The following ME1 variants were observed in gnomAD, a reference collection of about 807,000 sequenced individuals.
The protein encoded by ME1 is malic enzyme 1.
ME1 carries 74 observed loss-of-function variants against 66.4 expected under a neutral mutation model. The ratio of observed to expected loss-of-function variants is 1.11; its 90% CI spans 0.92 to 1.35. The LOEUF is 1.35. ME1 is among the 40% of genes most tolerant of loss of function. The pLI, the probability that ME1 is intolerant of heterozygous loss-of-function variation, is 0.00. For synonymous variants in ME1, 251 were observed against 235.6 expected, an observed-to-expected ratio of 1.07 and a Z score of -0.60; for missense variants, 750 against 694.1, an observed-to-expected ratio of 1.08 and a Z score of -0.90.
In ME1 at chr6:83,212,084, T is replaced by A; in HGVS notation, c.1559A>T (p.Asp520Val). The stretch of plus-strand genomic sequence containing the variant: ...TGTGGCTGTCTTTTCTTGGTATGCA[T>A]CTTTCACAATCTAGATATAAGAAAA... The part of the protein sequence containing the change: ...SLKIAEKIVK[D>V]AYQEKTATVY... The change falls in exon 14 of 14, where the codon GAT becomes GTT. Residue 520 changes from aspartate to valine, a missense_variant. Physicochemically the swap from Asp to Val is radical, Grantham distance 152. Transcript: ENST00000369705. 6.2e-7 allele frequency: 1 copy of A among 1,603,766 alleles called. No homozygotes were observed. Among genetic ancestry groups the A allele is most frequent in the Non-Finnish European group, 8.5e-7 (1 of 1,173,268 alleles).
chr6:83,235,645 T>G (rs1405367901), intron 9 of ME1, among the ~76,000 whole-genome samples: 2 of 151,988 alleles, frequency 1.3e-5, no homozygotes, highest in Non-Finnish European at 2.9e-5. Context: ...TAATTTTTTT[T>G]GTATTTTTAG....
intron 13 of ME1, among the ~76,000 whole-genome samples, chr6:83,214,790 A>G (rs1583322238): frequency 1.3e-5 from 2 of 152,140 alleles, no homozygotes; most frequent in African/African-American, 4.8e-5. Flanking sequence ...TGAATGTGCC[A>G]TTGATACCTC....
intron 4 of ME1, among the ~76,000 whole-genome samples, chr6:83,351,214 G>A (rs1174498555): frequency 1.3e-5 from 2 of 152,050 alleles, no homozygotes; most frequent in Non-Finnish European, 2.9e-5. Context: ...GAGCAACATA[G>A]TGGGACTTTG....
intron 6 of ME1, among the ~76,000 whole-genome samples, chr6:83,259,562 G>C (rs1415267083): frequency 2.0e-5 from 3 of 152,184 alleles, no homozygotes; most frequent in Admixed American, 2.0e-4. Flanking sequence ...GACTTTAGAA[G>C]ATCAGTATTG....
rs746354095 is a variant in ME1 at position 83,227,492 on chromosome 6, T to C, written c.1133-15A>G. On this transcript the variant is annotated splice_polypyrimidine_tract_variant and intron_variant, in intron 10 of 13. Transcript: ENST00000369705. The stretch of plus-strand genomic sequence containing the variant: ...TGCAGCAACTCCTAATGAAGAAATA[T>C]GAAGCTGGTAATTAACACTATCATT... 2 of 1,583,496 alleles carry C rather than the reference T, an allele frequency of 1.3e-6. No homozygotes were observed. The highest frequency in any genetic ancestry group is 1.7e-6 in the Non-Finnish European group (2 of 1,160,996).
At chr6:83,233,934 T>C (rs549141377) in intron 9 of ME1, among the ~76,000 whole-genome samples, 1 of 152,190 alleles carries the variant, frequency 6.6e-6, no homozygotes, top group East Asian at 1.9e-4. Context: ...ATGTATCTTT[T>C]ATATTAAATA....
chr6:83,410,284 G>A (rs1770026097), intron 1 of ME1, among the ~76,000 whole-genome samples: 1 of 151,952 alleles, frequency 6.6e-6, no homozygotes, highest in South Asian at 2.1e-4. Context: ...AGAATTCATA[G>A]AAATTTTCAA....
At chr6:83,330,447 G>C (rs900311837) in intron 5 of ME1, among the ~76,000 whole-genome samples, 1 of 152,160 alleles carries the variant, frequency 6.6e-6, no homozygotes, top group South Asian at 2.1e-4. Context: ...AAAAGTGCTA[G>C]AAATAAAAAT....
intron 3 of ME1, among the ~76,000 whole-genome samples, chr6:83,354,006 C>T (rs931490156): frequency 3.9e-5 from 6 of 152,170 alleles, no homozygotes; most frequent in Admixed American, 3.3e-4. Flanking sequence ...TCACTACCTG[C>T]TTCTTCTCAG....
At chr6:83,277,992 A>G (rs1767219998) in intron 6 of ME1, among the ~76,000 whole-genome samples, 2 of 151,682 alleles carry the variant, frequency 1.3e-5, no homozygotes, top group African/African-American at 4.8e-5. Flanking sequence ...TGCCATTTGA[A>G]CCCTAGAATT....
chr6:83,262,762 C>G (rs1407432006), intron 6 of ME1, among the ~76,000 whole-genome samples: 1 of 152,040 alleles, frequency 6.6e-6, no homozygotes, highest in Non-Finnish European at 1.5e-5. Flanking sequence ...GTGAGTGTTG[C>G]CATCTAAGAG....
At chr6:83,386,330 T>G (rs1769502319) in intron 3 of ME1, among the ~76,000 whole-genome samples, 1 of 152,020 alleles carries the variant, frequency 6.6e-6, no homozygotes, top group Admixed American at 6.6e-5. Context: ...AGTCACATGC[T>G]AAACCAGAAC....
Position 83,244,041 on chromosome 6 carries a change from T to C in ME1, c.815-4405A>G, listed in dbSNP as rs1028350427. Reference sequence around the variant, plus strand: ...TGGAGTATAAGACACCAGGCATAATTGGGGGCAAGGATTCCATACTAGAAA... The same window carrying C: ...TGGAGTATAAGACACCAGGCATAATCGGGGGCAAGGATTCCATACTAGAAA... On this transcript the variant is annotated intron_variant, in intron 7 of 13. Transcript: ENST00000369705. Among the ~76,000 whole-genome samples the C allele has an allele frequency of 2.0e-5, 3 of 150,872 alleles. No individual in the cohort carries two copies. The Admixed American group carries it at 2.0e-4, about 10-fold the overall frequency.
chr6:83,381,568 C>T (rs1224851796), intron 3 of ME1, among the ~76,000 whole-genome samples: 1 of 151,972 alleles, frequency 6.6e-6, no homozygotes, highest in Admixed American at 6.6e-5. Context: ...GTGTCCATAT[C>T]CCTATCACCT....
At chr6:83,327,490 G>T (rs1434569290) in intron 5 of ME1, among the ~76,000 whole-genome samples, 1 of 152,182 alleles carries the variant, frequency 6.6e-6, no homozygotes. Flanking sequence ...TCTTATGGTT[G>T]AGTCTGCAGA....
chr6:83,219,698 C>T (rs966135508), intron 12 of ME1, among the ~76,000 whole-genome samples: 1 of 151,690 alleles, frequency 6.6e-6, no homozygotes, highest in African/African-American at 2.4e-5. Context: ...CTCAGACTCC[C>T]GAGTAGCTGA....
At chr6:83,215,864 T>C (rs1371444653) in intron 13 of ME1, among the ~76,000 whole-genome samples, 3 of 152,252 alleles carry the variant, frequency 2.0e-5, no homozygotes, top group Non-Finnish European at 4.4e-5. Flanking sequence ...ATAACCGTGG[T>C]ATGTAGTTAT....
rs113047827 is a variant in ME1, at chr6:83,311,730, G to A, written c.704+3580C>T. On this transcript the variant is annotated intron_variant, in intron 6 of 13. Coordinates refer to ENST00000369705, the MANE Select transcript of ME1 (RefSeq NM_002395.6). ...AGAAGAAAAGGATGATATATAACCA[G>A]CCTGACTGATAGCAATAAGGATGCT... is the stretch of plus-strand genomic sequence containing the variant. Among the ~76,000 whole-genome samples the A allele has an allele frequency of 7.3e-3, 1,110 of 152,208 alleles. 30 individuals carry two copies. Among genetic ancestry groups the A allele is most frequent in the East Asian group, 0.061 (313 of 5,158 alleles).
rs545397903 is a variant in ME1, at chr6:83,303,413, G to C, written c.704+11897C>G. Among the ~76,000 whole-genome samples, 4 of 152,236 alleles carry C rather than the reference G, an allele frequency of 2.6e-5. No individual in the cohort carries two copies. The South Asian group carries it at 8.3e-4, about 32-fold the overall frequency. On this transcript the variant is annotated intron_variant, in intron 6 of 13. Transcript: ENST00000369705. ...AATGCAAAGCAAATAAAAACTTCTT[G>C]TGAACATTTTTTCTCTTGAATTATT...
Sources: allele counts gnomAD v4.1 joint callset (sites outside exome capture counted in the v4.1 genomes callset), GRCh38; gene constraint gnomAD v4.1.1; transcripts MANE v1.5; gene names NCBI Gene and HGNC (gene_info 2026-07-23, HGNC 2026-07-21).